Variants in TAFA1 observed in about 807,000 individuals in gnomAD.
TAFA1 encodes TAFA chemokine like family member 1.
TAFA1 carries 4 observed loss-of-function variants against 18.5 expected under a neutral mutation model. That is an observed-to-expected ratio of 0.22 (90% confidence interval 0.11 to 0.49). The LOEUF is 0.49. TAFA1 is among the 20% of genes least tolerant of loss of function. The pLI is 0.98. For missense variants in TAFA1, 147 were observed against 169.0 expected (o/e 0.87, Z 0.72); for synonymous variants, 56 against 55.2 (o/e 1.01, Z -0.06).
At chr3:68,352,388 A>T (rs1380819929) in intron 2 of TAFA1, among the ~76,000 whole-genome samples, 1 of 152,026 alleles carries the variant, frequency 6.6e-6, no homozygotes, top group Non-Finnish European at 1.5e-5. Flanking sequence ...ACAAAATAAC[A>T]ATAAATTCTA....
At chr3:68,282,786 C>T (rs986872201) in intron 2 of TAFA1, among the ~76,000 whole-genome samples, 1 of 152,260 alleles carries the variant, frequency 6.6e-6, no homozygotes, top group African/African-American at 2.4e-5. Flanking sequence ...GTCCCCCAAC[C>T]TTTTATTTCA....
intron 3 of TAFA1, among the ~76,000 whole-genome samples, chr3:68,449,705 C>T (rs1459800253): frequency 6.6e-6 from 1 of 152,096 alleles, no homozygotes; most frequent in Admixed American, 6.5e-5. Flanking sequence ...CTATAATCTC[C>T]CCACTTCCTG....
intron 2 of TAFA1, among the ~76,000 whole-genome samples, chr3:68,100,681 T>C (rs981929685): frequency 1.3e-5 from 2 of 152,220 alleles, no homozygotes; most frequent in Non-Finnish European, 2.9e-5. Context: ...AATAAAGGCA[T>C]ATTTCCTGAT....
At chr3:68,361,687 A>C (rs148036967) in intron 2 of TAFA1, among the ~76,000 whole-genome samples, 2 of 152,196 alleles carry the variant, frequency 1.3e-5, no homozygotes, top group East Asian at 3.9e-4. Context: ...GTAACCCAAC[A>C]GAACTGGGTA....
At chr3:68,294,433 A>G (rs940170430) in intron 2 of TAFA1, among the ~76,000 whole-genome samples, 3 of 152,218 alleles carry the variant, frequency 2.0e-5, no homozygotes, top group African/African-American at 7.2e-5. Flanking sequence ...CTTCAAATCC[A>G]ATGTATCTAT....
chr3:68,114,486 A>C (rs1197504060), intron 2 of TAFA1, among the ~76,000 whole-genome samples: 1 of 152,236 alleles, frequency 6.6e-6, no homozygotes, highest in Non-Finnish European at 1.5e-5. Context: ...TAAACTTATG[A>C]GATGATGCTC....
chr3:68,183,754 C>T (rs942062406), intron 2 of TAFA1, among the ~76,000 whole-genome samples: 6 of 152,116 alleles, frequency 3.9e-5, no homozygotes, highest in African/African-American at 1.4e-4. Context: ...AGCATATTTG[C>T]TCCTAAGCAC....
At chr3:68,286,142 C>T (rs565270824) in intron 2 of TAFA1, among the ~76,000 whole-genome samples, 26 of 152,118 alleles carry the variant, frequency 1.7e-4, no homozygotes, top group African/African-American at 5.1e-4. Context: ...ACCTGGGAGG[C>T]GGATGCTGCA....
At chr3:68,124,740 A>C (rs1416938217) in intron 2 of TAFA1, among the ~76,000 whole-genome samples, 1 of 152,218 alleles carries the variant, frequency 6.6e-6, no homozygotes, top group Non-Finnish European at 1.5e-5. Flanking sequence ...GATTTGAACC[A>C]AGTCAGTCTA....
intron 3 of TAFA1, among the ~76,000 whole-genome samples, chr3:68,515,604 A>C (rs115106390): frequency 0.011 from 1,635 of 152,352 alleles, 33 homozygotes; most frequent in African/African-American, 0.038. Flanking sequence ...TGATGTTGAC[A>C]TCACCAAGCC....
intron 3 of TAFA1, among the ~76,000 whole-genome samples, chr3:68,427,015 C>A (rs2071069136): frequency 6.6e-6 from 1 of 151,804 alleles, no homozygotes; most frequent in South Asian, 2.1e-4. Context: ...AAGCAAAATT[C>A]TCTGTATAAA....
chr3:68,447,164 T>C (rs566988027), intron 3 of TAFA1, among the ~76,000 whole-genome samples: 2 of 152,320 alleles, frequency 1.3e-5, no homozygotes, highest in Admixed American at 1.3e-4. Flanking sequence ...ACGTGTGCCA[T>C]GTATTATTGT....
At position 68,164,630 on chromosome 3, in the gene TAFA1, C is replaced by CGTGTGTGTGTGT. The variant is rs1306831109; in HGVS notation, c.118+157906_118+157917dup. Among the ~76,000 whole-genome samples the CGTGTGTGTGTGT allele has an allele frequency of 2.7e-3, 396 of 146,708 alleles. 4 individuals are homozygous for CGTGTGTGTGTGT. The highest frequency in any genetic ancestry group is 3.3e-3 in the Non-Finnish European group (221 of 66,506). On this transcript the variant is annotated intron_variant, in intron 2 of 4. Coordinates refer to ENST00000478136, the MANE Select transcript of TAFA1 (RefSeq NM_213609.4). ...TCTACCACATTTGTTCCTTTTGCAACGTGTGTGTGTGTGTGTGTGTGTGTG... is the reference window on the plus strand; with the variant it reads ...TCTACCACATTTGTTCCTTTTGCAACGTGTGTGTGTGTGTGTGTGTGTGTGTGTGTGTGTGTG...
intron 2 of TAFA1, among the ~76,000 whole-genome samples, chr3:68,406,181 T>C (rs1315291582): frequency 6.6e-6 from 1 of 152,190 alleles, no homozygotes; most frequent in Non-Finnish European, 1.5e-5. Flanking sequence ...CAGTGTTTTA[T>C]ATAATTTTAG....
chr3:68,017,611 T>A (rs891144221), intron 2 of TAFA1, among the ~76,000 whole-genome samples: 9 of 152,160 alleles, frequency 5.9e-5, no homozygotes, highest in Admixed American at 5.9e-4. Flanking sequence ...TGCCATGAAG[T>A]TTTTTTCATT....
At chr3:68,542,220 G>T (rs2073388877) in intron 4 of TAFA1, among the ~76,000 whole-genome samples, 1 of 152,146 alleles carries the variant, frequency 6.6e-6, no homozygotes, top group African/African-American at 2.4e-5. Context: ...GCTTGGAGTA[G>T]AATAAATCTG....
intron 3 of TAFA1, among the ~76,000 whole-genome samples, chr3:68,498,721 GCTTTTTTTTTTTTT>G (rs2072598104): frequency 9.8e-6 from 1 of 101,722 alleles, no homozygotes; most frequent in Non-Finnish European, 1.8e-5. Flanking sequence ...CCGTTTGGTG[GCTTTTTTTTTTTTT>G]TTTTTTTTTT....
intron 3 of TAFA1, among the ~76,000 whole-genome samples, chr3:68,536,510 C>T (rs1038128206): frequency 3.3e-5 from 5 of 152,144 alleles, no homozygotes; most frequent in African/African-American, 7.2e-5. Context: ...AACCAGAAAG[C>T]ATCGTAAGAC....
chr3:68,505,456 C>T (rs2072731411), intron 3 of TAFA1, among the ~76,000 whole-genome samples: 1 of 152,132 alleles, frequency 6.6e-6, no homozygotes, highest in Non-Finnish European at 1.5e-5. Flanking sequence ...AAATCTAGCA[C>T]TTAAAACAAT....
Sources: allele counts gnomAD v4.1 joint callset (sites outside exome capture counted in the v4.1 genomes callset), GRCh38; gene constraint gnomAD v4.1.1; transcripts MANE v1.5; gene names NCBI Gene and HGNC (gene_info 2026-07-23, HGNC 2026-07-21).